The following TNRC6B variants were observed in gnomAD, a reference collection of about 807,000 sequenced individuals.
The protein encoded by TNRC6B is trinucleotide repeat-containing gene 6B protein.
Under a neutral mutation model 203.6 loss-of-function variants are expected in TNRC6B, and 52 were observed. The observed-to-expected ratio is 0.26, with a 90% CI of 0.20 to 0.32. The LOEUF is 0.32. TNRC6B is among the 10% of genes least tolerant of loss of function. The pLI, the probability that TNRC6B is intolerant of heterozygous loss-of-function variation, is 1.00. For missense variants in TNRC6B, 1,923 were observed against 2,286.2 expected (o/e 0.84, Z 3.24); for synonymous variants, 838 against 845.7 (o/e 0.99, Z 0.16).
intron 3 of TNRC6B, among the ~76,000 whole-genome samples, chr22:40,155,238 A>C (rs2068809214): frequency 6.6e-6 from 1 of 152,094 alleles, no homozygotes; most frequent in Non-Finnish European, 1.5e-5. Flanking sequence ...GCAGTTACTA[A>C]TGTGTACAGT....
intron 3 of TNRC6B, among the ~76,000 whole-genome samples, chr22:40,129,420 C>T (rs1004878202): frequency 2.0e-5 from 3 of 152,054 alleles, no homozygotes; most frequent in Non-Finnish European, 2.9e-5. Context: ...TGCAGCTGTT[C>T]GGGTAGGACT....
chr22:40,322,461 C>CA (rs2071346517), intron 22 of TNRC6B, among the ~76,000 whole-genome samples: 1 of 152,178 alleles, frequency 6.6e-6, no homozygotes, highest in Non-Finnish European at 1.5e-5. Flanking sequence ...ATTACAGTAT[C>CA]AGAGTCCTCT....
At chr22:40,203,386 A>C (rs1322507117) in intron 1 of TNRC6B, among the ~76,000 whole-genome samples, 1 of 152,048 alleles carries the variant, frequency 6.6e-6, no homozygotes, top group Non-Finnish European at 1.5e-5. Context: ...TCCGTAACAA[A>C]AGTCACCTTC....
chr22:40,231,052 T>C (rs1169106055), intron 1 of TNRC6B, among the ~76,000 whole-genome samples: 1 of 151,484 alleles, frequency 6.6e-6, no homozygotes, highest in Non-Finnish European at 1.5e-5. Flanking sequence ...TCTCTCTCTC[T>C]CTATATATAT....
intron 15 of TNRC6B, among the ~76,000 whole-genome samples, chr22:40,302,330 A>G (rs1057388079): frequency 3.9e-5 from 6 of 152,192 alleles, no homozygotes; most frequent in Non-Finnish European, 8.8e-5. Context: ...ATACTGTTCT[A>G]CGCACACTCA....
intron 1 of TNRC6B, among the ~76,000 whole-genome samples, chr22:40,097,834 T>C (rs2068197966): frequency 6.6e-6 from 1 of 152,092 alleles, no homozygotes; most frequent in Non-Finnish European, 1.5e-5. Context: ...ACAAAATGTT[T>C]TATAATGGCG....
chr22:40,290,812 A>G (rs769342843), intron 12 of TNRC6B, among the ~76,000 whole-genome samples: 10 of 152,162 alleles, frequency 6.6e-5, no homozygotes, highest in East Asian at 1.9e-4. Context: ...CTCGGTGACT[A>G]TATATCAAGT....
intron 1 of TNRC6B, chr22:40,106,515 TGCCATATTTACCAA>T: frequency 1.4e-6 from 1 of 739,538 alleles, no homozygotes; most frequent in Non-Finnish European, 2.5e-6. Flanking sequence ...CAGCAGATGA[TGCCATATTTACCAA>T]GAGATCGAGC....
intron 1 of TNRC6B, among the ~76,000 whole-genome samples, chr22:40,224,356 C>T (rs2069755241): frequency 6.6e-6 from 1 of 152,160 alleles, no homozygotes. Flanking sequence ...TGCAGTTGAT[C>T]TATATCTTAG....
chr22:40,154,868 TATATATATATATATATATATATATATAC>T lies in TNRC6B; in HGVS notation c.46-1232_46-1205del, dbSNP rs1569000878. Reference sequence around the variant, plus strand: ...AAAAAAAAAAAAAAAAAAATATATATATATATATATATATATATATATATATACATATATATATATATTCTGCTTCAAT... The same window carrying T: ...AAAAAAAAAAAAAAAAAAATATATATATATATATATATATTCTGCTTCAAT... On this transcript the variant is annotated intron_variant, in intron 3 of 23. Transcript: ENST00000301923. Among the ~76,000 whole-genome samples, 63 of 34,204 alleles carry T rather than the reference TATATATATATATATATATATATATATAC, an allele frequency of 1.8e-3. 1 individual carries two copies. Among genetic ancestry groups the T allele is most frequent in the African/African-American group, 8.1e-3 (33 of 4,060 alleles). The allele number at this position is 34,204 out of a possible 152,430, so 22.4% of individuals were successfully genotyped here.
intron 1 of TNRC6B, among the ~76,000 whole-genome samples, chr22:40,103,249 C>G (rs982708127): frequency 2.0e-5 from 3 of 149,090 alleles, no homozygotes; most frequent in African/African-American, 7.5e-5. Context: ...GCCTGGGCGA[C>G]AGAATGACAC....
chr22:40,089,090 A>G (rs1464144303), intron 1 of TNRC6B, among the ~76,000 whole-genome samples: 1 of 152,208 alleles, frequency 6.6e-6, no homozygotes, highest in African/African-American at 2.4e-5. Context: ...GTATATTGTC[A>G]GAAAAAAACA....
chr22:40,134,571 G>T (rs1319439642), intron 3 of TNRC6B, among the ~76,000 whole-genome samples: 1 of 152,158 alleles, frequency 6.6e-6, no homozygotes, highest in Non-Finnish European at 1.5e-5. Flanking sequence ...GTATCGGGTT[G>T]GGGGGCTACG....
chr22:40,241,795 C>G (rs1375757554), intron 1 of TNRC6B, among the ~76,000 whole-genome samples: 1 of 152,128 alleles, frequency 6.6e-6, no homozygotes, highest in Non-Finnish European at 1.5e-5. Context: ...TTCCTCATTT[C>G]AATTTATTCA....
intron 12 of TNRC6B, among the ~76,000 whole-genome samples, chr22:40,289,346 T>A (rs894781583): frequency 1.3e-5 from 2 of 152,130 alleles, no homozygotes; most frequent in Non-Finnish European, 2.9e-5. Context: ...ATAGAGGACA[T>A]GTTTGAATGG....
At chr22:40,118,942 T>A (rs951286915) in intron 2 of TNRC6B, among the ~76,000 whole-genome samples, 1 of 151,450 alleles carries the variant, frequency 6.6e-6, no homozygotes, top group Non-Finnish European at 1.5e-5. Context: ...GCAGAGGGAG[T>A]GATAGCAACA....
chr22:40,315,898 T>A (rs1264208529), intron 20 of TNRC6B, 44 bp from the exon 21 acceptor site: 14 of 1,482,234 alleles, frequency 9.4e-6, no homozygotes, highest in Non-Finnish European at 1.3e-5. Context: ...TTTTCTTGTT[T>A]TTGTTTTATT....
Position 40,315,542 on chromosome 22 carries a change from C to G in TNRC6B, c.4903+35C>G, listed in dbSNP as rs367752857. On this transcript the variant is annotated intron_variant, in intron 20 of 22. Transcript: ENST00000454349. ...ATCTGCCTAAAGGAACACCATTGTT[C>G]ATCCACAAGGGGCTTATGTTAACAC... The G allele has an allele frequency of 4.4e-5, 70 of 1,600,978 alleles. No homozygotes were observed. In the African/African-American group the frequency reaches 9.1e-4, roughly 21 times the overall value.
intron 3 of TNRC6B, among the ~76,000 whole-genome samples, chr22:40,260,068 C>T (rs995753270): frequency 2.0e-5 from 3 of 152,208 alleles, no homozygotes; most frequent in Admixed American, 6.5e-5. Context: ...TGCGGTTTCA[C>T]GGTTGCCCCG....
Sources: gnomAD v4.1 joint callset for allele counts (sites outside exome capture counted in the v4.1 genomes callset) on GRCh38, gnomAD v4.1.1 for gene constraint, MANE v1.5 for transcripts, NCBI Gene and HGNC (gene_info 2026-07-23, HGNC 2026-07-21) for gene names.